Variants in NBEAL2 observed in about 807,000 individuals in gnomAD.
The protein encoded by NBEAL2 is neurobeachin-like protein 2.
A neutral mutation model predicts 299.8 loss-of-function variants in NBEAL2; 160 were observed. The ratio of observed to expected loss-of-function variants is 0.53; its 90% CI spans 0.47 to 0.61. NBEAL2 has a LOEUF of 0.61. Among genes scored for constraint, NBEAL2 ranks in the 20% least tolerant of loss-of-function variants. NBEAL2 has a pLI of 0.00. For synonymous variants in NBEAL2, 1,493 were observed against 1,542.3 expected (o/e 0.97, Z 0.75); for missense variants, 3,112 against 3,649.0 (o/e 0.85, Z 3.79).
At chr3:46,992,612 T>TTCC in intron 10 of NBEAL2, 57 bp downstream of exon 10, 1 of 1,459,238 alleles carries the variant, frequency 6.9e-7, no homozygotes. Context: ...CTTTGAGCTT[T>TTCC]TCCTGCACTA....
intron 33 of NBEAL2, 56 bp from the exon 34 acceptor site, chr3:47,002,901 G>A (rs2037136841): frequency 1.3e-6 from 2 of 1,595,454 alleles, no homozygotes; most frequent in Non-Finnish European, 1.7e-6. Flanking sequence ...AGGCCAGGGA[G>A]GGATGGGGGT....
rs758252148 is a variant in NBEAL2 at position 46,993,950 on chromosome 3, A to T, written c.1127A>T (p.Asp376Val). ...EPDVQKVLDQ[D>V]TDAIAVHVVR... Reference sequence around the variant, plus strand: ...CCCCACCCCAAGGTCCTGGACCAAGACACAGACGCCATTGCAGTCCATGTA... The same window carrying T: ...CCCCACCCCAAGGTCCTGGACCAAGTCACAGACGCCATTGCAGTCCATGTA... The change falls in exon 11 of 54, where the codon GAC becomes GTC. Residue 376 changes from aspartate to valine, a missense_variant. Physicochemically the swap from Asp to Val is radical, Grantham distance 152 (BLOSUM62 -3). Around this residue, in one of 3 missense-constraint regions of NBEAL2, gnomAD observed 2,243 missense variants for 2,538.1 expected, o/e 0.88. Coordinates refer to ENST00000450053, the MANE Select transcript of NBEAL2 (RefSeq NM_015175.3). 6.2e-7 allele frequency: 1 copy of T among 1,611,154 alleles called. No individual in the cohort carries two copies. Among genetic ancestry groups the T allele is most frequent in the South Asian group, 1.1e-5 (1 of 90,390 alleles).
rs756243156 is a variant in NBEAL2, at chr3:47,009,209, C to G, written c.8164-10C>G. On this transcript the variant is annotated splice_polypyrimidine_tract_variant and intron_variant, in intron 53 of 53. Coordinates refer to ENST00000450053, the MANE Select transcript of NBEAL2 (RefSeq NM_015175.3). ...CCCAGCTGATCCTACTCAACCCTTA[C>G]GCCCACCAGGTGCGCAGCAGCCAGT... is the stretch of plus-strand genomic sequence containing the variant. 1.1e-5 allele frequency: 17 copies of G among 1,587,282 alleles called. No individual in the cohort carries two copies. The highest frequency in any genetic ancestry group is 2.7e-5 in the African/African-American group (2 of 74,298).
chr3:46,987,113 G>A (rs780741510), intron 1 of NBEAL2, among the ~76,000 whole-genome samples: 1 of 152,364 alleles, frequency 6.6e-6, no homozygotes, highest in Non-Finnish European at 1.5e-5. Context: ...CAGGGTGGAC[G>A]GCTGCTCTGC....
chr3:47,005,359 AT>A, intron 40 of NBEAL2, 38 bp downstream of exon 40: 1 of 1,592,768 alleles, frequency 6.3e-7, no homozygotes, highest in East Asian at 2.3e-5. Context: ...TAGGGGGCAG[AT>A]AAGGGGAGGA....
intron 1 of NBEAL2, chr3:46,987,918 C>A: frequency 9.1e-7 from 1 of 1,099,248 alleles, no homozygotes; most frequent in Non-Finnish European, 1.2e-6. Context: ...CGGGAGGAAG[C>A]GGTCCCCCTC....
chr3:46,995,608 C>A lies in NBEAL2; in HGVS notation c.1873C>A (p.Pro625Thr). Residue 625 changes from proline to threonine, a missense_variant, in exon 13 of 54, where the codon CCA (proline) becomes ACA (threonine). Physicochemically the swap from Pro to Thr is conservative, Grantham distance 38 (BLOSUM62 -1). This residue lies in a region of NBEAL2 where 2,243 missense variants were observed against 2,538.1 expected (regional missense o/e 0.88). Coordinates refer to ENST00000450053, the MANE Select transcript of NBEAL2 (RefSeq NM_015175.3). ...DTAPTPAPTR[P>T]LQRKQLYSFF... is the part of the protein sequence containing the mutation. The stretch of plus-strand genomic sequence containing the variant: ...AGCACCTACCCCTGCCCCCACCCGA[C>A]CACTCCAGCGAAAGCAGCTGTACAG... The A allele has an allele frequency of 6.2e-7, 1 of 1,611,802 alleles. No homozygotes were observed. Among genetic ancestry groups the A allele is most frequent in the Non-Finnish European group, 8.5e-7 (1 of 1,179,082 alleles).
Position 46,988,154 on chromosome 3 carries a change from C to A in NBEAL2, c.52-515C>A. 9.9e-7 allele frequency: 1 copy of A among 1,009,274 alleles called. No homozygotes were observed. The highest frequency in any genetic ancestry group is 1.3e-6 in the Non-Finnish European group (1 of 783,846). 62.5% of individuals were successfully genotyped at this position (1,009,274 alleles called of 1,614,324 possible). On this transcript the variant is annotated intron_variant, in intron 1 of 53. Transcript: ENST00000450053. This position sits in a 1 kb window ranked among gnomAD's most constrained non-coding sequence, Gnocchi z 4.4. ...GAGGATGTGCGCATGTCTGGGTCTG[C>A]CTGTCTAATGGTACACGTGTGTCCT...
rs779630553 is a variant in NBEAL2, at chr3:46,991,716, G to A, written c.925+28G>A. On this transcript the variant is annotated intron_variant, in intron 8 of 53. Coordinates refer to ENST00000450053, the MANE Select transcript of NBEAL2 (RefSeq NM_015175.3). The surrounding 1 kb of genome is among the most constrained non-coding windows in gnomAD (Gnocchi z 6.2). The stretch of plus-strand genomic sequence containing the variant: ...GGGTATGGGCTCCCAGGCTCTTGGG[G>A]AAGGGGCACCATGAGGGAAAAGCCT... The A allele has an allele frequency of 1.3e-6, 2 of 1,584,864 alleles. No homozygotes were observed. Among genetic ancestry groups the A allele is most frequent in the Admixed American group, 3.5e-5 (2 of 56,584 alleles).
rs757785447 is a variant in NBEAL2 at position 47,004,423 on chromosome 3, G to T, written c.6198+30G>T. ...GAGCCCTGGGTGTGAGGGATGTGAA[G>T]TCGGGACCCTGAATCACGGGGCAGT... On this transcript the variant is annotated intron_variant, in intron 37 of 53. Coordinates refer to ENST00000450053, the MANE Select transcript of NBEAL2 (RefSeq NM_015175.3). This position sits in a 1 kb window ranked among gnomAD's most constrained non-coding sequence, Gnocchi z 5.0. The T allele has an allele frequency of 5.7e-6, 9 of 1,592,308 alleles. No individual in the cohort carries two copies. Among genetic ancestry groups the T allele is most frequent in the Non-Finnish European group, 6.0e-6 (7 of 1,166,622 alleles).
rs753968747 is a variant in NBEAL2 at position 47,000,383 on chromosome 3, C to T, written c.4284C>T (p.Thr1428=). The T allele has an allele frequency of 6.3e-7, 1 of 1,577,666 alleles. No homozygotes were observed. The highest frequency in any genetic ancestry group is 1.3e-5 in the African/African-American group (1 of 74,370). Residue 1428 remains threonine (T), a synonymous_variant, in exon 27 of 54, where the codon ACC becomes ACT. Coordinates refer to ENST00000450053, the MANE Select transcript of NBEAL2 (RefSeq NM_015175.3). The surrounding 1 kb of genome is among the most constrained non-coding windows in gnomAD (Gnocchi z 4.5). ...AGCCCACCATTAGCGGGGATGATAC[C>T]TCGAACACCAGCAACCCACAGGTGA... ...LPEPTISGDD[T]SNTSNPQQTS...
At chr3:47,006,087 T>G (rs2037421352) in intron 43 of NBEAL2, 24 bp downstream of exon 43, 1 of 1,612,892 alleles carries the variant, frequency 6.2e-7, no homozygotes, top group Non-Finnish European at 8.5e-7. Flanking sequence ...TGGACTCCAG[T>G]CAGGGCCAGG....
At chr3:46,994,615 C>G (rs2036343485) in intron 12 of NBEAL2, 62 bp downstream of exon 12, 1 of 1,395,208 alleles carries the variant, frequency 7.2e-7, no homozygotes, top group Non-Finnish European at 9.9e-7. Flanking sequence ...AGGGTTACCA[C>G]AGATGGTGAG....
chr3:46,995,292 G>A lies in NBEAL2; in HGVS notation c.1557G>A (p.Leu519=), dbSNP rs774793983. 9 of 1,571,916 alleles carry A rather than the reference G, an allele frequency of 5.7e-6. No individual in the cohort carries two copies. Among genetic ancestry groups the A allele is most frequent in the Admixed American group, 1.9e-5 (1 of 53,536 alleles). The change falls in exon 13 of 54, where the codon CTG becomes CTA. Residue 519 remains leucine, a synonymous_variant. Coordinates refer to ENST00000450053, the MANE Select transcript of NBEAL2 (RefSeq NM_015175.3). The stretch of plus-strand genomic sequence containing the variant: ...GCTGCCAAGAGCAGCTGCTGGCACT[G>A]CTACAAGCACTGGGCCGTGTATCAA... ...EARCQEQLLA[L]LQALGRVSIR...
chr3:46,984,701 C>T (rs905603276), intron 1 of NBEAL2, among the ~76,000 whole-genome samples: 10 of 152,158 alleles, frequency 6.6e-5, no homozygotes, highest in African/African-American at 2.2e-4. Context: ...TGCTCACTAC[C>T]GCCCAGGCAG....
chr3:46,996,310 A>G lies in NBEAL2; in HGVS notation c.2191A>G (p.Thr731Ala), dbSNP rs2036494295. The G allele has an allele frequency of 6.2e-7, 1 of 1,610,342 alleles. No homozygotes were observed. Among genetic ancestry groups the G allele is most frequent in the Non-Finnish European group, 8.5e-7 (1 of 1,179,848 alleles). The change falls in exon 16 of 54, where the codon ACA becomes GCA. Residue 731 changes from threonine to alanine, a missense_variant. By Grantham distance (58) the Thr-to-Ala change is moderately conservative (BLOSUM62 0). Around this residue, in one of 3 missense-constraint regions of NBEAL2, gnomAD observed 2,243 missense variants for 2,538.1 expected, o/e 0.88. Transcript: ENST00000450053. ...CTGTATCGGCTCCGCTGGATACCGCACAACGACCACCACCACAGGGCTGCC... is the reference window on the plus strand; with the variant it reads ...CTGTATCGGCTCCGCTGGATACCGCGCAACGACCACCACCACAGGGCTGCC... ...SCCIGSAGYR[T>A]TTTTTGLPTP...
rs928382921 is a variant in NBEAL2 at position 47,004,992 on chromosome 3, C to T, written c.6315C>T (p.Asp2105=). ...GCCAGTTCCCCTGGGTCCTGCAGGA[C>T]TACGTGTCCCCAACCCTGGACCTCA... is the stretch of plus-strand genomic sequence containing the variant. ...QYPVFPWVLQ[D]YVSPTLDLSN... The change falls in exon 39 of 54, where the codon GAC becomes GAT. Residue 2105 remains aspartate, a synonymous_variant. Coordinates refer to ENST00000450053, the MANE Select transcript of NBEAL2 (RefSeq NM_015175.3). The surrounding 1 kb of genome is among the most constrained non-coding windows in gnomAD (Gnocchi z 5.0). 13 of 1,609,966 alleles carry T rather than the reference C, an allele frequency of 8.1e-6. No individual in the cohort carries two copies. The highest frequency in any genetic ancestry group is 1.1e-5 in the Non-Finnish European group (13 of 1,178,356).
At chr3:46,983,275 C>T (rs1575579609) in intron 1 of NBEAL2, among the ~76,000 whole-genome samples, 1 of 151,672 alleles carries the variant, frequency 6.6e-6, no homozygotes, top group Non-Finnish European at 1.5e-5. Flanking sequence ...CCTGGTCAGG[C>T]CCTCCACTCC....
chr3:46,991,452 T>A lies in NBEAL2; in HGVS notation c.689T>A (p.Leu230Gln). Residue 230 changes from leucine (L) to glutamine (Q), a missense_variant, in exon 8 of 54, where the codon CTG becomes CAG. Physicochemically the swap from Leu to Gln is moderately radical, Grantham distance 113. Coordinates refer to ENST00000450053, the MANE Select transcript of NBEAL2 (RefSeq NM_015175.3). This position sits in a 1 kb window ranked among gnomAD's most constrained non-coding sequence, Gnocchi z 6.2. ...AVSDGSVKGL[L>Q]SVVRGWSRGP... ...AGTGATGGCTCTGTGAAGGGCCTGC[T>A]GAGTGTGGTGCGGGGCTGGAGCCGT... 1 of 1,611,792 alleles carries A rather than the reference T, an allele frequency of 6.2e-7. No homozygotes were observed. Among genetic ancestry groups the A allele is most frequent in the Non-Finnish European group, 8.5e-7 (1 of 1,178,980 alleles).
Sources: gnomAD v4.1 joint callset for allele counts (sites outside exome capture counted in the v4.1 genomes callset) on GRCh38, gnomAD v4.1.1 for gene constraint, gnomAD v4.1.1 regional missense constraint, Gnocchi (gnomAD v3.1) non-coding constraint, MANE v1.5 for transcripts, NCBI Gene and HGNC (gene_info 2026-07-23, HGNC 2026-07-21) for gene names.